The following RSBN1L variants were observed in gnomAD, a reference collection of about 807,000 sequenced individuals.
The protein encoded by RSBN1L is lysine-specific demethylase RSBN1L.
RSBN1L carries 30 observed loss-of-function variants against 67.7 expected under a neutral mutation model. That is an observed-to-expected ratio of 0.44 (90% confidence interval 0.33 to 0.60). The LOEUF is 0.60. Ranked by LOEUF, RSBN1L falls within the 20% of genes least tolerant of loss-of-function variation. RSBN1L has a pLI of 0.02. For missense variants in RSBN1L, 992 were observed against 1,031.7 expected (o/e 0.96, Z 0.53); for synonymous variants, 433 against 387.0 (o/e 1.12, Z -1.39).
intron 1 of RSBN1L, among the ~76,000 whole-genome samples, chr7:77,726,552 G>A (rs1791205696): frequency 6.6e-6 from 1 of 152,086 alleles, no homozygotes; most frequent in Admixed American, 6.6e-5. Flanking sequence ...TTTATAGTAA[G>A]AAGTGTCCCT....
chr7:77,716,095 T>C (rs1291804168), intron 1 of RSBN1L, among the ~76,000 whole-genome samples: 1 of 152,228 alleles, frequency 6.6e-6, no homozygotes, highest in Non-Finnish European at 1.5e-5. Context: ...TATAAATTAA[T>C]GAAGCCCACT....
At chr7:77,766,789 A>G (rs935107632) in intron 4 of RSBN1L, among the ~76,000 whole-genome samples, 1 of 151,864 alleles carries the variant, frequency 6.6e-6, no homozygotes, top group Non-Finnish European at 1.5e-5. Context: ...CTATATGTAC[A>G]TATATCTTTT....
Position 77,764,727 on chromosome 7 carries a change from C to T in RSBN1L, c.1345-768C>T, listed in dbSNP as rs780297354. Among the ~76,000 whole-genome samples the T allele has an allele frequency of 3.9e-4, 60 of 151,900 alleles. 1 individual carries two copies. Among genetic ancestry groups the T allele is most frequent in the Admixed American group, 2.6e-4 (4 of 15,224 alleles). ...TTGCAAGCTCCGCCACCCAGGTTCACGCCATTCTCCTGCCTCAGCCTCCCA... is the reference window on the plus strand; with the variant it reads ...TTGCAAGCTCCGCCACCCAGGTTCATGCCATTCTCCTGCCTCAGCCTCCCA... On this transcript the variant is annotated intron_variant, in intron 3 of 7. Transcript: ENST00000334955.
At chr7:77,767,120 G>A (rs2150432046) in intron 4 of RSBN1L, among the ~76,000 whole-genome samples, 1 of 134,838 alleles carries the variant, frequency 7.4e-6, no homozygotes, top group Non-Finnish European at 1.5e-5. Flanking sequence ...CTTTCGATGG[G>A]GTCCTGCTAT....
chr7:77,739,640 G>A (rs1791381384), intron 2 of RSBN1L, among the ~76,000 whole-genome samples: 1 of 139,990 alleles, frequency 7.1e-6, no homozygotes, highest in African/African-American at 2.6e-5. Flanking sequence ...TTGAACCCAG[G>A]AGGCAAAGGC....
chr7:77,757,151 T>C (rs1791630480), intron 3 of RSBN1L, among the ~76,000 whole-genome samples: 1 of 152,242 alleles, frequency 6.6e-6, no homozygotes, highest in Non-Finnish European at 1.5e-5. Context: ...ATTTTTGTAG[T>C]GATAGTGTTT....
At chr7:77,749,270 A>T (rs1168528076) in intron 2 of RSBN1L, among the ~76,000 whole-genome samples, 154 bp from the exon 3 acceptor site, 4 of 152,186 alleles carry the variant, frequency 2.6e-5, no homozygotes, top group African/African-American at 9.7e-5. Context: ...GGCTGACTAA[A>T]TATTGATTAT....
intron 2 of RSBN1L, among the ~76,000 whole-genome samples, chr7:77,742,101 C>T (rs1294080171): frequency 1.4e-5 from 2 of 147,922 alleles, no homozygotes; most frequent in South Asian, 2.2e-4. Context: ...GAGCTGGGGC[C>T]GGAGGATTGC....
Position 77,779,806 on chromosome 7 carries a change from A to C in RSBN1L, c.*638A>C, listed in dbSNP as rs918196553. ...TCTAGTAAATATTTAAGTTCCTCAC[A>C]CTGTGCAGGCTTTTTTTTTTTTTTC... is the stretch of plus-strand genomic sequence containing the variant. On this transcript the variant is annotated 3_prime_UTR_variant, in exon 8 of 8. Coordinates refer to ENST00000334955, the MANE Select transcript of RSBN1L (RefSeq NM_198467.3). 6.8e-6 allele frequency: 1 copy of C among 148,080 alleles called. No homozygotes were observed. The highest frequency in any genetic ancestry group is 1.5e-5 in the Non-Finnish European group (1 of 67,242). 9.2% of individuals were successfully genotyped at this position (148,080 alleles called of 1,614,324 possible). A position where few individuals can be genotyped will look rare whatever the true frequency, so the allele number is the denominator to read the frequency against.
intron 2 of RSBN1L, among the ~76,000 whole-genome samples, chr7:77,737,448 G>C (rs996760330): frequency 6.6e-6 from 1 of 152,162 alleles, no homozygotes; most frequent in Non-Finnish European, 1.5e-5. Context: ...AAGAGTATTA[G>C]ATTCTGTATT....
intron 1 of RSBN1L, among the ~76,000 whole-genome samples, chr7:77,709,298 C>A (rs1790941442): frequency 6.7e-6 from 1 of 149,802 alleles, no homozygotes. Context: ...TTTTTCTTTT[C>A]TTTTTTTTTG....
intron 3 of RSBN1L, among the ~76,000 whole-genome samples, chr7:77,763,039 T>C (rs896053889): frequency 1.3e-5 from 2 of 152,150 alleles, no homozygotes; most frequent in Non-Finnish European, 2.9e-5. Flanking sequence ...AGGACTTGAT[T>C]ATGGCTTTGT....
intron 1 of RSBN1L, among the ~76,000 whole-genome samples, chr7:77,727,405 C>T (rs865808524): frequency 5.2e-4 from 79 of 152,292 alleles, no homozygotes; most frequent in Middle Eastern, 3.4e-3. Context: ...GCTTTTAATT[C>T]CAAGTTTCTG....
At chr7:77,765,402 C>A in intron 3 of RSBN1L, 93 bp from the exon 4 acceptor site, 1 of 982,244 alleles carries the variant, frequency 1.0e-6, no homozygotes, top group Non-Finnish European at 1.4e-6. Context: ...AAAATGATAG[C>A]AAGCATTATC....
intron 1 of RSBN1L, among the ~76,000 whole-genome samples, chr7:77,725,980 C>T (rs1791198729): frequency 2.0e-5 from 3 of 151,876 alleles, no homozygotes; most frequent in Admixed American, 6.6e-5. Context: ...TGTCTTGTAG[C>T]GCTTCTGTTA....
intron 2 of RSBN1L, among the ~76,000 whole-genome samples, chr7:77,738,041 G>T (rs1791359584): frequency 6.7e-6 from 1 of 149,842 alleles, no homozygotes; most frequent in East Asian, 2.0e-4. Context: ...AAAAAGAAAA[G>T]AAAAAGTCAA....
intron 1 of RSBN1L, among the ~76,000 whole-genome samples, chr7:77,702,185 C>T (rs1790827565): frequency 6.7e-6 from 1 of 150,264 alleles, no homozygotes; most frequent in Admixed American, 6.6e-5. Flanking sequence ...CCAGGCTGGT[C>T]TCCAACTCCT....
intron 3 of RSBN1L, among the ~76,000 whole-genome samples, chr7:77,763,149 C>CTTTTTTT (rs11440608): frequency 7.9e-6 from 1 of 126,952 alleles, no homozygotes; most frequent in Non-Finnish European, 1.6e-5. Context: ...TATAATTTGA[C>CTTTTTTT]TTTTTTTTTT....
intron 2 of RSBN1L, among the ~76,000 whole-genome samples, chr7:77,738,938 C>CA (rs1490988044): frequency 2.6e-5 from 4 of 151,824 alleles, no homozygotes; most frequent in Non-Finnish European, 5.9e-5. Flanking sequence ...GACTCCATCT[C>CA]AAAAAAACAA....
Sources: gnomAD v4.1 joint callset for allele counts (sites outside exome capture counted in the v4.1 genomes callset) on GRCh38, gnomAD v4.1.1 for gene constraint, MANE v1.5 for transcripts, NCBI Gene and HGNC (gene_info 2026-07-23, HGNC 2026-07-21) for gene names.